Variants in MMP16 observed in about 807,000 individuals in gnomAD.
The protein encoded by MMP16 is matrix metallopeptidase 16, also known as matrix metalloproteinase-16.
MMP16 carries 12 observed loss-of-function variants against 67.8 expected under a neutral mutation model. That is an observed-to-expected ratio of 0.18 (90% confidence interval 0.11 to 0.29). The LOEUF is 0.29. Among genes scored for constraint, MMP16 ranks in the 10% least tolerant of loss-of-function variants. The pLI is 1.00. For missense variants in MMP16, 475 were observed against 765.7 expected (o/e 0.62, Z 4.48); for synonymous variants, 249 against 255.9 (o/e 0.97, Z 0.26).
At chr8:88,224,702 A>C (rs1809740427) in intron 1 of MMP16, among the ~76,000 whole-genome samples, 2 of 152,050 alleles carry the variant, frequency 1.3e-5, no homozygotes, top group Non-Finnish European at 2.9e-5. Context: ...CTCTACTTTT[A>C]TGACAAGTTT....
chr8:88,081,792 C>T (rs1808755556), intron 6 of MMP16, among the ~76,000 whole-genome samples: 2 of 151,686 alleles, frequency 1.3e-5, no homozygotes, highest in Non-Finnish European at 2.9e-5. Context: ...AAATGTATTA[C>T]TAGATTCTGT....
chr8:88,252,427 A>G (rs1042741266), intron 1 of MMP16, among the ~76,000 whole-genome samples: 1 of 152,090 alleles, frequency 6.6e-6, no homozygotes, highest in Non-Finnish European at 1.5e-5. Context: ...ATTATTGCCT[A>G]TACCTTCAGC....
At chr8:88,247,490 T>C (rs1586224843) in intron 1 of MMP16, among the ~76,000 whole-genome samples, 1 of 152,072 alleles carries the variant, frequency 6.6e-6, no homozygotes, top group Non-Finnish European at 1.5e-5. Flanking sequence ...CACTAGTTGT[T>C]CCTGTGCATT....
chr8:88,266,179 C>A (rs1290291464), intron 1 of MMP16, among the ~76,000 whole-genome samples: 1 of 152,116 alleles, frequency 6.6e-6, no homozygotes, highest in African/African-American at 2.4e-5. Context: ...CTTCCTAATT[C>A]TCTCACCAGC....
intron 7 of MMP16, among the ~76,000 whole-genome samples, chr8:88,060,239 C>G (rs1317211799): frequency 6.6e-6 from 1 of 152,096 alleles, no homozygotes; most frequent in East Asian, 1.9e-4. Context: ...GGCCAGAATC[C>G]TAGCTTTAGC....
intron 4 of MMP16, among the ~76,000 whole-genome samples, chr8:88,135,336 G>C (rs75947098): frequency 0.032 from 4,833 of 151,898 alleles, 143 homozygotes; most frequent in Admixed American, 0.099. Context: ...TGCAAGCACA[G>C]TGGCTTCTGA....
At chr8:88,326,971 T>G in intron 1 of MMP16, 104 bp downstream of exon 1, 1 of 1,479,680 alleles carries the variant, frequency 6.8e-7, no homozygotes, top group Non-Finnish European at 9.3e-7. Flanking sequence ...AACAACGTGC[T>G]GGGACCCAGG....
At chr8:88,108,289 G>A (rs1234818292) in intron 6 of MMP16, among the ~76,000 whole-genome samples, 1 of 151,064 alleles carries the variant, frequency 6.6e-6, no homozygotes, top group Non-Finnish European at 1.5e-5. Flanking sequence ...AGAAAGTGTT[G>A]GAGAAACGGC....
chr8:88,153,829 C>A (rs1156900907), intron 4 of MMP16, among the ~76,000 whole-genome samples: 1 of 151,804 alleles, frequency 6.6e-6, no homozygotes, highest in Non-Finnish European at 1.5e-5. Flanking sequence ...GTCCAAAACA[C>A]CAAAAGCAAT....
At chr8:88,150,684 G>A (rs1808389480) in intron 4 of MMP16, among the ~76,000 whole-genome samples, 2 of 123,316 alleles carry the variant, frequency 1.6e-5, no homozygotes, top group South Asian at 3.2e-4. Flanking sequence ...TCACCACCAG[G>A]CCTGCCCTAA....
At chr8:88,234,912 C>T (rs1329375000) in intron 1 of MMP16, among the ~76,000 whole-genome samples, 1 of 152,170 alleles carries the variant, frequency 6.6e-6, no homozygotes, top group Non-Finnish European at 1.5e-5. Flanking sequence ...ATGTATTTTA[C>T]TCAAACCATG....
At chr8:88,285,830 A>C (rs2130004888) in intron 1 of MMP16, among the ~76,000 whole-genome samples, 1 of 152,316 alleles carries the variant, frequency 6.6e-6, no homozygotes. Flanking sequence ...CATCTCCAGA[A>C]GTTTTACTAA....
At chr8:88,214,492 GT>G (rs765421262) in intron 1 of MMP16, among the ~76,000 whole-genome samples, 6 of 151,452 alleles carry the variant, frequency 4.0e-5, no homozygotes, top group Non-Finnish European at 5.9e-5. Context: ...CAACCTTTTA[GT>G]TTTTTTTCAT....
intron 4 of MMP16, among the ~76,000 whole-genome samples, chr8:88,122,591 C>T (rs769853129): frequency 6.6e-5 from 10 of 151,810 alleles, no homozygotes; most frequent in Non-Finnish European, 1.3e-4. Flanking sequence ...CAGAAATCAT[C>T]ACCAAACATG....
intron 1 of MMP16, among the ~76,000 whole-genome samples, chr8:88,264,066 AGAGT>A (rs755365328): frequency 8.4e-4 from 35 of 41,528 alleles, no homozygotes; most frequent in Middle Eastern, 0.026. Flanking sequence ...AGGGAGAGAG[AGAGT>A]GTGTGTGTGT....
At chr8:88,060,737 T>G (rs573224527) in intron 7 of MMP16, among the ~76,000 whole-genome samples, 1 of 152,182 alleles carries the variant, frequency 6.6e-6, no homozygotes, top group African/African-American at 2.4e-5. Context: ...AGGGTGTGAA[T>G]AACTTGAGGA....
At chr8:88,101,335 T>A (rs146166676) in intron 6 of MMP16, among the ~76,000 whole-genome samples, 36 of 151,862 alleles carry the variant, frequency 2.4e-4, no homozygotes, top group African/African-American at 8.0e-4. Context: ...ACTACATTCC[T>A]CCACATACTA....
At chr8:88,174,911 G>A (rs1288099384) in intron 3 of MMP16, among the ~76,000 whole-genome samples, 4 of 151,948 alleles carry the variant, frequency 2.6e-5, no homozygotes, top group East Asian at 1.9e-4. Context: ...GCGCCACCAC[G>A]CCCAGCTAAT....
intron 7 of MMP16, among the ~76,000 whole-genome samples, chr8:88,063,100 G>T (rs1808421533): frequency 6.6e-6 from 1 of 152,102 alleles, no homozygotes; most frequent in Admixed American, 6.6e-5. Context: ...CAACAAGTTA[G>T]AACTAAAGGC....
Sources: gnomAD v4.1 joint callset for allele counts (sites outside exome capture counted in the v4.1 genomes callset) on GRCh38, gnomAD v4.1.1 for gene constraint, MANE v1.5 for transcripts, NCBI Gene and HGNC (gene_info 2026-07-23, HGNC 2026-07-21) for gene names.